The following DENND4A variants were observed in gnomAD, a reference collection of about 807,000 sequenced individuals.
DENND4A encodes the protein C-myc promoter-binding protein.
Under a neutral mutation model 199.3 loss-of-function variants are expected in DENND4A, and 70 were observed. The observed-to-expected ratio is 0.35, with a 90% CI of 0.29 to 0.43. The LOEUF (loss-of-function observed/expected upper bound fraction) is 0.43. Ranked by LOEUF, DENND4A falls within the 20% of genes least tolerant of loss-of-function variation. The pLI, the probability that DENND4A is intolerant of heterozygous loss-of-function variation, is 1.00. For synonymous variants in DENND4A, 686 were observed against 766.9 expected, an observed-to-expected ratio of 0.89 and a Z score of 1.74; for missense variants, 1,723 against 2,255.8, an observed-to-expected ratio of 0.76 and a Z score of 4.78.
chr15:65,694,827 T>C (rs1032827275), intron 22 of DENND4A, among the ~76,000 whole-genome samples: 4 of 152,188 alleles, frequency 2.6e-5, no homozygotes, highest in Admixed American at 2.6e-4. Flanking sequence ...TTTTATAAAA[T>C]TCACTTGTTC....
At position 65,737,764 on chromosome 15, in the gene DENND4A, A is replaced by G; in HGVS notation, c.983T>C (p.Phe328Ser). ...GGAATAACGATACAGAAAAGTCAGA[A>G]ACTTCCTGAATGCATCAAAAAAAGG... ...HWPFFDAFRK[F>S]LTFLYRYSIS... The change falls in exon 7 of 33, where the codon TTT becomes TCT. Residue 328 changes from phenylalanine to serine, a missense_variant. Transcript: ENST00000443035. The G allele has an allele frequency of 1.9e-6, 3 of 1,592,118 alleles. No individual in the cohort carries two copies. The highest frequency in any genetic ancestry group is 2.6e-6 in the Non-Finnish European group (3 of 1,168,626).
chr15:65,750,692 T>A (rs1035693992), intron 4 of DENND4A, among the ~76,000 whole-genome samples: 1 of 152,262 alleles, frequency 6.6e-6, no homozygotes, highest in Admixed American at 6.5e-5. Flanking sequence ...ACAATTTGTA[T>A]ACTCCTCGCC....
rs575017528 is a variant in DENND4A, at chr15:65,679,665, G to A, written c.4180-3031C>T. ...CCCACCTCAGCCTCCCAAGCAGCTG[G>A]GACCACAGGCATGCACCACCACACC... On this transcript the variant is annotated intron_variant, in intron 23 of 32. Transcript: ENST00000443035. Among the ~76,000 whole-genome samples, 9 of 151,852 alleles carry A rather than the reference G, an allele frequency of 5.9e-5. No homozygotes were observed. The East Asian group carries it at 1.7e-3, about 29-fold the overall frequency.
chr15:65,759,476 T>A (rs571492045), intron 2 of DENND4A, among the ~76,000 whole-genome samples: 14 of 151,984 alleles, frequency 9.2e-5, no homozygotes, highest in African/African-American at 3.4e-4. Flanking sequence ...AGACTCCATC[T>A]GGAAAAAAAA....
At chr15:65,766,863 T>C (rs1466395705) in intron 1 of DENND4A, 3 of 151,888 alleles carry the variant, frequency 2.0e-5, no homozygotes, top group Non-Finnish European at 1.5e-5. Flanking sequence ...TATAAGAACA[T>C]TAAAAAAAAG....
intron 30 of DENND4A, chr15:65,665,072 A>AT (rs1596378622): frequency 4.4e-6 from 2 of 455,472 alleles, no homozygotes; most frequent in East Asian, 6.7e-5. Context: ...AATTCTGCAA[A>AT]ACACAACCAA....
At chr15:65,677,877 T>A (rs1429811185) in intron 23 of DENND4A, among the ~76,000 whole-genome samples, 1 of 152,118 alleles carries the variant, frequency 6.6e-6, no homozygotes, top group Admixed American at 6.5e-5. Context: ...AATTATAGTT[T>A]TAGCATTAGT....
chr15:65,782,637 T>C (rs74021829), intron 1 of DENND4A, among the ~76,000 whole-genome samples: 131 of 151,714 alleles, frequency 8.6e-4, no homozygotes, highest in African/African-American at 3.1e-3. Context: ...CATACACACA[T>C]ACACATACCC....
chr15:65,685,188 G>A (rs949962007), intron 23 of DENND4A, among the ~76,000 whole-genome samples: 12 of 151,202 alleles, frequency 7.9e-5, no homozygotes, highest in African/African-American at 2.7e-4. Flanking sequence ...GTGCAGTGGC[G>A]CAATCTCAGC....
intron 23 of DENND4A, 136 bp from the exon 24 acceptor site, chr15:65,676,770 A>G (rs1042749565): frequency 4.4e-6 from 3 of 674,650 alleles, no homozygotes; most frequent in East Asian, 5.8e-5. Flanking sequence ...ACATCTAGAG[A>G]AAAAAACAAG....
Position 65,690,415 on chromosome 15 carries a change from C to A in DENND4A, c.4179G>T (p.Lys1393Asn). 6.4e-7 allele frequency: 1 copy of A among 1,555,410 alleles called. No homozygotes were observed. The highest frequency in any genetic ancestry group is 2.3e-5 in the East Asian group (1 of 44,334). Reference protein sequence around the residue: ...SRFTMYTTSSKDQSSDRTSLS... With the variant: ...SRFTMYTTSSNDQSSDRTSLS... ...AGTAGCAAATACTAACCAAACTTAC[C>A]TTAGATGATGTGGTGTACATGGTGA... is the stretch of plus-strand genomic sequence containing the variant. The change falls in exon 23 of 33, where the codon AAG becomes AAT. Residue 1393 changes from lysine (K) to asparagine (N), a missense_variant and splice_region_variant. By Grantham distance (94) the Lys-to-Asn change is moderately conservative. This residue lies in a region of DENND4A where 650 missense variants were observed against 738.1 expected (regional missense o/e 0.88). Transcript: ENST00000443035.
chr15:65,746,383 T>C (rs1428053817), intron 4 of DENND4A, among the ~76,000 whole-genome samples: 12 of 115,610 alleles, frequency 1.0e-4, no homozygotes, highest in African/African-American at 4.4e-4. Context: ...TTTTTTTTTT[T>C]TTTTTTTTTT....
chr15:65,678,251 T>A (rs1455982008), intron 23 of DENND4A, among the ~76,000 whole-genome samples: 2 of 152,206 alleles, frequency 1.3e-5, no homozygotes, highest in African/African-American at 4.8e-5. Context: ...TTTCAAAATT[T>A]TCTTGATTAT....
In DENND4A at chr15:65,690,793, T is replaced by C. The variant is rs940826819; in HGVS notation, c.3801A>G (p.Thr1267=). ...NNMSSPLTSR[T]PSIDLQRACD... ...ATGCCCGTTGTAAATCAATGCTTGG[T>C]GTACGACTTGTCAAAGGACTGCTCA... The change falls in exon 23 of 33, where the codon ACA becomes ACG. Residue 1267 remains threonine (T), a synonymous_variant. Coordinates refer to ENST00000443035, the MANE Select transcript of DENND4A (RefSeq NM_001320835.1). 19 of 1,613,426 alleles carry C rather than the reference T, an allele frequency of 1.2e-5. No homozygotes were observed. The highest frequency in any genetic ancestry group is 1.6e-4 in the Middle Eastern group (1 of 6,084).
At chr15:65,735,187 G>A (rs2076078723) in intron 7 of DENND4A, among the ~76,000 whole-genome samples, 1 of 151,982 alleles carries the variant, frequency 6.6e-6, no homozygotes, top group Admixed American at 6.5e-5. Flanking sequence ...AGACCAGCCT[G>A]GCCAACAGGG....
chr15:65,709,681 CA>C (rs1238349534), intron 14 of DENND4A, among the ~76,000 whole-genome samples: 5 of 41,108 alleles, frequency 1.2e-4, no homozygotes, highest in African/African-American at 1.9e-4. Context: ...GCAACAAGAG[CA>C]AAAACTCCAT....
chr15:65,697,467 T>G, intron 20 of DENND4A, 84 bp from the exon 21 acceptor site: 1 of 804,688 alleles, frequency 1.2e-6, no homozygotes, highest in South Asian at 1.7e-5. Context: ...TACTAGTGTT[T>G]GGATTTCCTT....
rs936773915 is a variant in DENND4A, at chr15:65,703,125, A to G, written c.2088-117T>C. 4 of 919,904 alleles carry G rather than the reference A, an allele frequency of 4.3e-6. No homozygotes were observed. In the African/African-American group the frequency reaches 5.0e-5, roughly 11 times the overall value. The allele number at this position is 919,904 out of a possible 1,614,324, so 57.0% of individuals were successfully genotyped here. A position where few individuals can be genotyped will look rare whatever the true frequency, so the allele number is the denominator to read the frequency against. On this transcript the variant is annotated intron_variant, in intron 15 of 32. Coordinates refer to ENST00000443035, the MANE Select transcript of DENND4A (RefSeq NM_001320835.1). Reference sequence around the variant, plus strand: ...TAACTTCTTCACATAGAATTTAACTATCTTTCTTTGTCAGGCTGTGATATA... The same window carrying G: ...TAACTTCTTCACATAGAATTTAACTGTCTTTCTTTGTCAGGCTGTGATATA...
At chr15:65,733,762 T>G (rs2076028439) in intron 7 of DENND4A, among the ~76,000 whole-genome samples, 1 of 152,186 alleles carries the variant, frequency 6.6e-6, no homozygotes, top group Non-Finnish European at 1.5e-5. Context: ...TGCCTTGAGA[T>G]TCTGTTAATC....
Sources: allele counts gnomAD v4.1 joint callset (sites outside exome capture counted in the v4.1 genomes callset), GRCh38; gene constraint gnomAD v4.1.1; regional missense constraint gnomAD v4.1.1; transcripts MANE v1.5; gene names NCBI Gene and HGNC (gene_info 2026-07-23, HGNC 2026-07-21).